Variants in ATOSA observed in about 807,000 individuals in gnomAD.
ATOSA encodes atos homolog A, also known as atos homolog protein A.
At chr15:52,627,845 A>C in the ATOSA span, among the ~76,000 whole-genome samples, 1 of 152,186 alleles carries the variant, frequency 6.6e-6, no homozygotes, top group Non-Finnish European at 1.5e-5. Context: ...AGAATTTATA[A>C]TGCCACTTAA....
At chr15:52,605,120 A>G in the ATOSA span, 2 of 1,580,820 alleles carry the variant, frequency 1.3e-6, no homozygotes, top group Non-Finnish European at 1.7e-6. Flanking sequence ...GAGATAAGAA[A>G]AAAAATGCTT....
At chr15:52,645,462 A>G in the ATOSA span, among the ~76,000 whole-genome samples, 1 of 151,886 alleles carries the variant, frequency 6.6e-6, no homozygotes, top group East Asian at 1.9e-4. Context: ...AAATAAATAA[A>G]TAATTTTTTA....
At chr15:52,675,514 T>C in the ATOSA span, among the ~76,000 whole-genome samples, 26 of 152,240 alleles carry the variant, frequency 1.7e-4, no homozygotes, top group African/African-American at 6.0e-4. Flanking sequence ...CAGCTGTCTT[T>C]CACAAAACTA....
At chr15:52,670,143 A>T in the ATOSA span, among the ~76,000 whole-genome samples, 3 of 152,200 alleles carry the variant, frequency 2.0e-5, no homozygotes, top group Non-Finnish European at 4.4e-5. Context: ...ATGTTATTGT[A>T]TATTTCAGAA....
chr15:52,609,013 C>T, the ATOSA span: 3 of 1,613,184 alleles, frequency 1.9e-6, no homozygotes, highest in Middle Eastern at 1.7e-4. Context: ...AATTCCATTG[C>T]TCATTTCTTG....
At chr15:52,680,868 T>A in the ATOSA span, among the ~76,000 whole-genome samples, 1 of 78,926 alleles carries the variant, frequency 1.3e-5, no homozygotes, top group Admixed American at 1.3e-4. Flanking sequence ...ACTGAAGTTT[T>A]ACTTGTTCTA....
the ATOSA span, among the ~76,000 whole-genome samples, chr15:52,671,921 G>C: frequency 6.6e-6 from 1 of 151,648 alleles, no homozygotes; most frequent in African/African-American, 2.4e-5. Context: ...TACATGGAAA[G>C]GAAAATATGA....
chr15:52,692,296 C>T, the ATOSA span, among the ~76,000 whole-genome samples: 1 of 151,906 alleles, frequency 6.6e-6, no homozygotes, highest in Non-Finnish European at 1.5e-5. Flanking sequence ...TTGTTTTATG[C>T]CAAAATCTAC....
chr15:52,664,956 G>T, the ATOSA span, among the ~76,000 whole-genome samples: 10 of 151,882 alleles, frequency 6.6e-5, no homozygotes, highest in African/African-American at 2.4e-4. Flanking sequence ...GGGGTGGGGG[G>T]GTGCAGGGGA....
chr15:52,586,876 G>T, the ATOSA span: 2,941 of 301,148 alleles, frequency 9.8e-3, 87 homozygotes, highest in African/African-American at 0.06. Context: ...AGTAATATTA[G>T]GTTCTAAATA....
At chr15:52,686,892 C>A in the ATOSA span, among the ~76,000 whole-genome samples, 1 of 152,192 alleles carries the variant, frequency 6.6e-6, no homozygotes, top group Non-Finnish European at 1.5e-5. Flanking sequence ...CATTAGCCTT[C>A]TTATTTCAAC....
chr15:52,608,540 T>C, the ATOSA span: 1 of 1,521,980 alleles, frequency 6.6e-7, no homozygotes, highest in African/African-American at 1.4e-5. Context: ...ATTTGAGACT[T>C]ACATTTGACA....
chr15:52,660,343 C>A, the ATOSA span, among the ~76,000 whole-genome samples: 3 of 152,166 alleles, frequency 2.0e-5, no homozygotes, highest in Non-Finnish European at 4.4e-5. Flanking sequence ...TCATATAGTA[C>A]CTGGCCTTCT....
the ATOSA span, among the ~76,000 whole-genome samples, chr15:52,688,608 T>C: frequency 1.3e-5 from 2 of 152,168 alleles, no homozygotes; most frequent in South Asian, 2.1e-4. Flanking sequence ...TTCAGACATA[T>C]TACATTTGAA....
the ATOSA span, among the ~76,000 whole-genome samples, chr15:52,641,500 T>C: frequency 6.6e-5 from 10 of 152,312 alleles, no homozygotes; most frequent in African/African-American, 2.2e-4. Context: ...AAGGGGGTGA[T>C]GGACCAGAAG....
chr15:52,609,930 T>G, the ATOSA span: 1 of 1,610,976 alleles, frequency 6.2e-7, no homozygotes, highest in African/African-American at 1.3e-5. Flanking sequence ...ATGTTTCTTG[T>G]GATTTTATAT....
chr15:52,582,290 G>C, the ATOSA span: 1 of 1,577,990 alleles, frequency 6.3e-7, no homozygotes, highest in Non-Finnish European at 8.6e-7. Context: ...GATCTTTCCA[G>C]ATTTAGAACT....
At chr15:52,622,215 C>T in the ATOSA span, among the ~76,000 whole-genome samples, 1 of 152,148 alleles carries the variant, frequency 6.6e-6, no homozygotes, top group African/African-American at 2.4e-5. Flanking sequence ...ACACAGGTAA[C>T]AGTATACTGG....
the ATOSA span, among the ~76,000 whole-genome samples, chr15:52,691,185 A>T: frequency 2.6e-5 from 4 of 152,120 alleles, no homozygotes; most frequent in Non-Finnish European, 5.9e-5. Context: ...GAGCATTAAG[A>T]GACTAAAAAT....
Sources: gnomAD v4.1 joint callset for allele counts (sites outside exome capture counted in the v4.1 genomes callset) on GRCh38, gnomAD v4.1.1 for gene constraint, MANE v1.5 for transcripts, NCBI Gene and HGNC (gene_info 2026-07-23, HGNC 2026-07-21) for gene names.